TENM2: variants seen among roughly 807,000 people sequenced by gnomAD.
The protein encoded by TENM2 is teneurin transmembrane protein 2, also known as teneurin-2.
A neutral mutation model predicts 245.2 loss-of-function variants in TENM2; 52 were observed. That is an observed-to-expected ratio of 0.21 (90% CI 0.17 to 0.27). The LOEUF is 0.27. Among genes scored for constraint, TENM2 ranks in the 10% least tolerant of loss-of-function variants. The pLI is 1.00. For missense variants in TENM2, 3,046 were observed against 3,666.8 expected (o/e 0.83, Z 4.37); for synonymous variants, 1,363 against 1,438.9 (o/e 0.95, Z 1.19).
At chr5:167,699,874 T>C (rs1758023973) in intron 2 of TENM2, among the ~76,000 whole-genome samples, 1 of 152,174 alleles carries the variant, frequency 6.6e-6, no homozygotes, top group African/African-American at 2.4e-5. Flanking sequence ...TTCCCTAATA[T>C]GCAAATGAGA....
At chr5:167,957,295 G>T (rs1173583643) in intron 4 of TENM2, among the ~76,000 whole-genome samples, 2 of 152,120 alleles carry the variant, frequency 1.3e-5, no homozygotes, top group Non-Finnish European at 2.9e-5. Context: ...ATGGTAGTTT[G>T]TATTTCTGTG....
intron 15 of TENM2, among the ~76,000 whole-genome samples, chr5:168,197,473 G>A (rs1761540389): frequency 6.6e-6 from 1 of 152,174 alleles, no homozygotes; most frequent in Non-Finnish European, 1.5e-5. Flanking sequence ...GGCAGAGGCA[G>A]GCGGATCACG....
chr5:167,433,022 GTAAATTT>G (rs1398672240), intron 2 of TENM2, among the ~76,000 whole-genome samples: 2 of 152,014 alleles, frequency 1.3e-5, no homozygotes, highest in Non-Finnish European at 2.9e-5. Flanking sequence ...ATTTAGACTA[GTAAATTT>G]CTGTTTTCTT....
chr5:167,966,067 T>A (rs1034978881), intron 4 of TENM2, among the ~76,000 whole-genome samples: 1 of 152,260 alleles, frequency 6.6e-6, no homozygotes, highest in Admixed American at 6.5e-5. Context: ...TTAGTCATTG[T>A]CAAACTCATA....
chr5:167,578,057 T>C (rs937907087), intron 2 of TENM2, among the ~76,000 whole-genome samples: 2 of 152,184 alleles, frequency 1.3e-5, no homozygotes, highest in Non-Finnish European at 2.9e-5. Flanking sequence ...GCTAGTATGA[T>C]GGAGGGTCTT....
At chr5:166,999,075 T>C in the TENM2 span, among the ~76,000 whole-genome samples, 3 of 151,508 alleles carry the variant, frequency 2.0e-5, no homozygotes, top group African/African-American at 7.3e-5. Context: ...TTTTCCATAA[T>C]AATTTTTATG....
At chr5:167,422,669 T>A (rs574388848) in intron 2 of TENM2, among the ~76,000 whole-genome samples, 1 of 152,206 alleles carries the variant, frequency 6.6e-6, no homozygotes, top group Non-Finnish European at 1.5e-5. Context: ...AGCAACAGTC[T>A]ATTTGATGTC....
intron 4 of TENM2, among the ~76,000 whole-genome samples, chr5:167,973,849 T>G (rs1443938367): frequency 6.6e-6 from 1 of 151,916 alleles, no homozygotes; most frequent in East Asian, 1.9e-4. Context: ...GTCTATTCAG[T>G]GTGGGATGGG....
chr5:167,391,622 C>CAAA (rs56202184), intron 2 of TENM2, among the ~76,000 whole-genome samples: 96 of 53,238 alleles, frequency 1.8e-3, no homozygotes, highest in Non-Finnish European at 2.9e-3. Context: ...AAGACTTCAT[C>CAAA]AAAAAAAAAA....
chr5:168,238,926 C>T (rs1266350380), intron 25 of TENM2, among the ~76,000 whole-genome samples: 1 of 152,202 alleles, frequency 6.6e-6, no homozygotes, highest in African/African-American at 2.4e-5. Flanking sequence ...ATTGGTTTCT[C>T]TATCACTGAA....
At chr5:168,230,606 A>C (rs1764782325) in intron 25 of TENM2, among the ~76,000 whole-genome samples, 1 of 152,096 alleles carries the variant, frequency 6.6e-6, no homozygotes, top group Non-Finnish European at 1.5e-5. Flanking sequence ...CTGTCTCACC[A>C]TTGGCAAGAT....
At chr5:167,310,648 C>A (rs1209315890) in intron 1 of TENM2, among the ~76,000 whole-genome samples, 1 of 151,830 alleles carries the variant, frequency 6.6e-6, no homozygotes, top group African/African-American at 2.4e-5. Flanking sequence ...AAAAAAACAA[C>A]AAATAGAGTT....
chr5:168,211,639 C>CTTT, intron 19 of TENM2, 95 bp from the exon 22 acceptor site: 1 of 827,020 alleles, frequency 1.2e-6, no homozygotes, highest in African/African-American at 1.8e-5. Flanking sequence ...TTTTGGGCCC[C>CTTT]TTTATACAAG....
intron 1 of TENM2, among the ~76,000 whole-genome samples, chr5:167,320,184 G>A (rs1311136491): frequency 1.7e-4 from 26 of 152,256 alleles, no homozygotes; most frequent in Admixed American, 1.6e-3. Context: ...TATGCTTATA[G>A]CCTCAGGAAT....
Position 167,797,967 on chromosome 5 carries a change from T to C in TENM2, c.503-78019T>C, listed in dbSNP as rs1226954671. 3.3e-5 allele frequency among the ~76,000 whole-genome samples: 5 copies of C among 152,244 alleles called. No homozygotes were observed. In the East Asian group the frequency reaches 7.7e-4, roughly 23 times the overall value. ...TAATTCATCCTGACCAATGGGTGGT[T>C]CTGGCACCATTTTGGTAATATGGAT... On this transcript the variant is annotated intron_variant, in intron 2 of 28. Transcript: ENST00000518659.
intron 9 of TENM2, among the ~76,000 whole-genome samples, chr5:168,111,786 C>T (rs374074923): frequency 2.6e-5 from 4 of 152,160 alleles, no homozygotes; most frequent in South Asian, 4.2e-4. Flanking sequence ...TTTTTTTCCC[C>T]GATCAGATAA....
chr5:168,203,860 T>C, intron 18 of TENM2, 28 bp downstream of exon 20: 1 of 1,575,582 alleles, frequency 6.3e-7, no homozygotes, highest in Non-Finnish European at 8.7e-7. Context: ...CTTTCCCAAA[T>C]ACAGCCTTGC....
the TENM2 span, among the ~76,000 whole-genome samples, chr5:166,986,775 A>G: frequency 6.6e-6 from 1 of 152,170 alleles, no homozygotes; most frequent in Non-Finnish European, 1.5e-5. Context: ...ATTGCCATTT[A>G]TTTGTAGAAG....
At chr5:167,370,776 T>C (rs1760369256) in intron 1 of TENM2, among the ~76,000 whole-genome samples, 1 of 152,232 alleles carries the variant, frequency 6.6e-6, no homozygotes, top group Non-Finnish European at 1.5e-5. Context: ...AATACTGATA[T>C]ATTGTGCCTC....
Sources: gnomAD v4.1 joint callset for allele counts (sites outside exome capture counted in the v4.1 genomes callset) on GRCh38, gnomAD v4.1.1 for gene constraint, MANE v1.5 for transcripts, NCBI Gene and HGNC (gene_info 2026-07-23, HGNC 2026-07-21) for gene names.